Variants in HORMAD1 observed in about 807,000 individuals in gnomAD.
HORMAD1 encodes the protein HORMA domain-containing protein 1.
Under a neutral mutation model 58.2 loss-of-function variants are expected in HORMAD1, and 33 were observed. The ratio of observed to expected loss-of-function variants is 0.57; its 90% CI spans 0.43 to 0.76. The LOEUF is 0.76. Ranked by LOEUF, HORMAD1 falls within the 30% of genes least tolerant of loss-of-function variation. The probability of loss-of-function intolerance (pLI) is 0.00; values close to 1 mark genes in which losing one functional copy is unlikely to be tolerated. For synonymous variants in HORMAD1, 137 were observed against 144.6 expected, an observed-to-expected ratio of 0.95 and a Z score of 0.38; for missense variants, 363 against 462.0, an observed-to-expected ratio of 0.79 and a Z score of 1.96.
chr1:150,719,381 G>T (rs369407284), intron 2 of HORMAD1, 92 bp downstream of exon 2: 1 of 760,662 alleles, frequency 1.3e-6, no homozygotes, highest in African/African-American at 1.8e-5. Context: ...CCCTCAAATA[G>T]TTGAGCCCTA....
Position 150,714,075 on chromosome 1 carries a change from C to T in HORMAD1, c.279+10G>A. On this transcript the variant is annotated intron_variant, in intron 5 of 14. Coordinates refer to ENST00000361824, the MANE Select transcript of HORMAD1 (RefSeq NM_032132.5). ...TAGAAAAAAAAGGATAAAGAGATTGCAAGACTTACATATTTTTTCTGTAAA... is the reference window on the plus strand; with the variant it reads ...TAGAAAAAAAAGGATAAAGAGATTGTAAGACTTACATATTTTTTCTGTAAA... The T allele has an allele frequency of 1.4e-6, 2 of 1,480,030 alleles. No homozygotes were observed. Among genetic ancestry groups the T allele is most frequent in the Non-Finnish European group, 1.9e-6 (2 of 1,072,410 alleles). 91.7% of individuals were successfully genotyped at this position (1,480,030 alleles called of 1,614,324 possible). A position where few individuals can be genotyped will look rare whatever the true frequency, so the allele number is the denominator to read the frequency against.
intron 7 of HORMAD1, among the ~76,000 whole-genome samples, chr1:150,709,955 T>C (rs79180408): frequency 3.3e-5 from 5 of 152,220 alleles, no homozygotes; most frequent in African/African-American, 9.7e-5. Flanking sequence ...CTCACATGTT[T>C]GTTGCTGACC....
At position 150,709,035 on chromosome 1, in the gene HORMAD1, A is replaced by G. The variant is rs920224827; in HGVS notation, c.328-74T>C. The G allele has an allele frequency of 1.3e-5, 10 of 755,790 alleles. No homozygotes were observed. In the African/African-American group the frequency reaches 1.4e-4, roughly 10 times the overall value. 46.8% of individuals were successfully genotyped at this position (755,790 alleles called of 1,614,324 possible). A position where few individuals can be genotyped will look rare whatever the true frequency, so the allele number is the denominator to read the frequency against. On this transcript the variant is annotated intron_variant, in intron 7 of 14. Coordinates refer to ENST00000361824, the MANE Select transcript of HORMAD1 (RefSeq NM_032132.5). The stretch of plus-strand genomic sequence containing the variant: ...GCTAAATAGCTATATTCTGTTTTGT[A>G]TGACTCAACATTTAGTCAATACTTT...
rs1285192573 is a variant in HORMAD1 at position 150,703,357 on chromosome 1, T to A, written c.985A>T (p.Met329Leu). 1 of 1,582,972 alleles carries A rather than the reference T, an allele frequency of 6.3e-7. No individual in the cohort carries two copies. The highest frequency in any genetic ancestry group is 1.7e-5 in the Admixed American group (1 of 57,854). Residue 329 changes from methionine to leucine, a missense_variant, in exon 13 of 15, where the codon ATG becomes TTG. This residue lies in a region of HORMAD1 where 226 missense variants were observed against 257.8 expected (regional missense o/e 0.88). Transcript: ENST00000361824. Reference sequence around the variant, plus strand: ...CCACTTCTTGTTTTGCTTTCAGACATATCAAGTTCAGATGTTTTATTGACT... The same window carrying A: ...CCACTTCTTGTTTTGCTTTCAGACAAATCAAGTTCAGATGTTTTATTGACT... ...QLVNKTSELD[M>L]SESKTRSGKV... is the part of the protein sequence containing the mutation.
At chr1:150,709,320 C>T (rs1160309673) in intron 7 of HORMAD1, among the ~76,000 whole-genome samples, 3 of 152,132 alleles carry the variant, frequency 2.0e-5, no homozygotes, top group African/African-American at 7.2e-5. Context: ...GTAGCTTTGC[C>T]CCAGCCACTT....
intron 2 of HORMAD1, among the ~76,000 whole-genome samples, chr1:150,717,913 T>A (rs1212130208): frequency 6.6e-6 from 1 of 152,066 alleles, no homozygotes; most frequent in Non-Finnish European, 1.5e-5. Context: ...ACCACTGCAC[T>A]CCAGCCTGAG....
In HORMAD1 at chr1:150,708,343, T is replaced by C. The variant is rs748407723; in HGVS notation, c.460A>G (p.Ile154Val). 6.2e-7 allele frequency: 1 copy of C among 1,611,684 alleles called. No homozygotes were observed. Among genetic ancestry groups the C allele is most frequent in the Non-Finnish European group, 8.5e-7 (1 of 1,178,610 alleles). The change falls in exon 9 of 15, where the codon ATT (isoleucine) becomes GTT (valine). Residue 154 changes from isoleucine (I) to valine (V), a missense_variant. By Grantham distance (29) the Ile-to-Val change is conservative (BLOSUM62 3). Around this residue, in one of 3 missense-constraint regions of HORMAD1, gnomAD observed 9 missense variants for 32.4 expected, o/e 0.28. Transcript: ENST00000361824. ...TGCATTAGGATATAAATCTTGCGAATGAGGAGAATGCTTGCTTTCTTGGTG... is the reference window on the plus strand; with the variant it reads ...TGCATTAGGATATAAATCTTGCGAACGAGGAGAATGCTTGCTTTCTTGGTG... ...TDTKKASILLIRKIYILMQNL... is the reference protein window; with the variant it reads ...TDTKKASILLVRKIYILMQNL...
At chr1:150,716,949 C>T (rs1410072970) in intron 3 of HORMAD1, among the ~76,000 whole-genome samples, 189 bp downstream of exon 3, 9 of 113,994 alleles carry the variant, frequency 7.9e-5, no homozygotes, top group African/African-American at 3.0e-4. Flanking sequence ...GGCGAGACCC[C>T]GTCTCAAAAA....
At chr1:150,711,005 G>C (rs1377873703) in intron 7 of HORMAD1, among the ~76,000 whole-genome samples, 2 of 152,090 alleles carry the variant, frequency 1.3e-5, no homozygotes, top group African/African-American at 4.8e-5. Context: ...ATGAAGGTTG[G>C]GATGAATAAA....
chr1:150,710,878 C>T (rs1472869394), intron 7 of HORMAD1, among the ~76,000 whole-genome samples: 1 of 152,158 alleles, frequency 6.6e-6, no homozygotes, highest in Non-Finnish European at 1.5e-5. Context: ...TGTGAACTGG[C>T]CTTCCTAGGT....
intron 1 of HORMAD1, among the ~76,000 whole-genome samples, chr1:150,720,069 T>C (rs1652201944): frequency 1.5e-5 from 1 of 65,754 alleles, no homozygotes; most frequent in African/African-American, 4.6e-5. Flanking sequence ...GCCCACCATA[T>C]ATATATATAC....
intron 2 of HORMAD1, among the ~76,000 whole-genome samples, chr1:150,718,523 T>C (rs587616470): frequency 5.9e-5 from 9 of 152,308 alleles, no homozygotes; most frequent in South Asian, 2.1e-4. Context: ...ATAGATTACA[T>C]TGATTTTTCT....
intron 7 of HORMAD1, 90 bp from the exon 8 acceptor site, chr1:150,709,051 T>G: frequency 1.4e-6 from 1 of 709,824 alleles, no homozygotes; most frequent in Non-Finnish European, 2.5e-6. Flanking sequence ...CAACATTTAG[T>G]CAATACTTTT....
At chr1:150,719,366 TA>T in intron 2 of HORMAD1, 106 bp downstream of exon 2, 1 of 710,500 alleles carries the variant, frequency 1.4e-6, no homozygotes, top group African/African-American at 1.9e-5. Context: ...CCTGGTATCA[TA>T]AAACCCTCAA....
chr1:150,716,230 T>TCGGCTCA (rs1401317742), intron 3 of HORMAD1, among the ~76,000 whole-genome samples: 12 of 133,694 alleles, frequency 9.0e-5, no homozygotes, highest in Non-Finnish European at 1.7e-4. Flanking sequence ...TGGCACAATC[T>TCGGCTCA]CGGCTCACTG....
intron 8 of HORMAD1, 128 bp from the exon 9 acceptor site, chr1:150,708,535 T>C (rs1651767071): frequency 3.7e-6 from 2 of 534,612 alleles, no homozygotes; most frequent in Admixed American, 3.8e-5. Context: ...AAAGTTACCA[T>C]GTGTTTTAAT....
chr1:150,720,330 G>A (rs746778041), intron 1 of HORMAD1, among the ~76,000 whole-genome samples: 5 of 152,126 alleles, frequency 3.3e-5, no homozygotes, highest in Non-Finnish European at 7.4e-5. Flanking sequence ...CAAGGTGTTG[G>A]GATTATAGGC....
Position 150,706,742 on chromosome 1 carries a change from C to T in HORMAD1, c.615G>A (p.Gly205=), listed in dbSNP as rs1456004957. 4.3e-6 allele frequency: 7 copies of T among 1,612,792 alleles called. No homozygotes were observed. Among genetic ancestry groups the T allele is most frequent in the Non-Finnish European group, 8.5e-7 (1 of 1,179,176 alleles). The change falls in exon 10 of 15, where the codon GGG becomes GGA. Residue 205 remains glycine (G), a synonymous_variant. Coordinates refer to ENST00000361824, the MANE Select transcript of HORMAD1 (RefSeq NM_032132.5). The part of the protein sequence containing the change: ...DGDCEGVIFE[G]EPMYLNVGEV... ...CTCCCACATTTAAATACATAGGTTC[C>T]CCTTCAAATATAACTCCTTCACAAT... is the stretch of plus-strand genomic sequence containing the variant.
chr1:150,712,287 A>G (rs1044406040), intron 5 of HORMAD1, among the ~76,000 whole-genome samples: 1 of 152,184 alleles, frequency 6.6e-6, no homozygotes, highest in Admixed American at 6.5e-5. Flanking sequence ...AAAATCATAG[A>G]AAATAATTTA....
Sources: gnomAD v4.1 joint callset for allele counts (sites outside exome capture counted in the v4.1 genomes callset) on GRCh38, gnomAD v4.1.1 for gene constraint, gnomAD v4.1.1 regional missense constraint, MANE v1.5 for transcripts, NCBI Gene and HGNC (gene_info 2026-07-23, HGNC 2026-07-21) for gene names.